The following CFAP96 variants were observed in gnomAD, a reference collection of about 807,000 sequenced individuals.
CFAP96 encodes the protein cilia-and flagella-associated protein 96.
At chr4:185,448,409 C>T in the CFAP96 span, among the ~76,000 whole-genome samples, 7 of 152,158 alleles carry the variant, frequency 4.6e-5, no homozygotes, top group South Asian at 2.1e-4. Context: ...CGATGGTGAC[C>T]GTTTTTTGCA....
chr4:185,418,242 T>G, the CFAP96 span, among the ~76,000 whole-genome samples: 3 of 152,176 alleles, frequency 2.0e-5, no homozygotes, highest in African/African-American at 7.2e-5. Context: ...AAAAAACCCT[T>G]TTGAGATTAT....
At chr4:185,420,080 T>C in the CFAP96 span, among the ~76,000 whole-genome samples, 1,145 of 152,326 alleles carry the variant, frequency 7.5e-3, 12 homozygotes, top group African/African-American at 0.026. Flanking sequence ...CTTATAGCAA[T>C]AAAACTATTG....
the CFAP96 span, among the ~76,000 whole-genome samples, chr4:185,414,148 ATTAT>A: frequency 6.6e-6 from 1 of 152,214 alleles, no homozygotes; most frequent in Admixed American, 6.5e-5. Context: ...TTTTTAAATA[ATTAT>A]TTATTACAAC....
chr4:185,425,914 T>TG, the CFAP96 span: 1 of 1,578,396 alleles, frequency 6.3e-7, no homozygotes, highest in African/African-American at 1.3e-5. Flanking sequence ...TGCCCAAAAG[T>TG]TCCGGGGGCC....
the CFAP96 span, among the ~76,000 whole-genome samples, chr4:185,443,767 A>C: frequency 6.6e-6 from 1 of 151,772 alleles, no homozygotes; most frequent in Non-Finnish European, 1.5e-5. Flanking sequence ...GGGTTTATTT[A>C]ACTTATGTAT....
the CFAP96 span, among the ~76,000 whole-genome samples, chr4:185,439,106 A>G: frequency 6.6e-6 from 1 of 152,234 alleles, no homozygotes; most frequent in Non-Finnish European, 1.5e-5. Flanking sequence ...TTATAATCAC[A>G]TGCATGAGAA....
chr4:185,445,751 G>A, the CFAP96 span, among the ~76,000 whole-genome samples: 41 of 152,114 alleles, frequency 2.7e-4, no homozygotes, highest in Non-Finnish European at 1.8e-4. Context: ...AAAAACAGTA[G>A]TACATCTTTA....
chr4:185,425,984 C>T, the CFAP96 span: 10 of 1,195,078 alleles, frequency 8.4e-6, no homozygotes, highest in Admixed American at 2.2e-5. Context: ...CCAACTACAA[C>T]TCCCGACATG....
chr4:185,438,003 CT>C, the CFAP96 span, among the ~76,000 whole-genome samples: 4 of 150,932 alleles, frequency 2.7e-5, no homozygotes, highest in African/African-American at 7.3e-5. Context: ...CCTCTGGCCA[CT>C]TTTTTTTTCT....
At chr4:185,424,039 G>A in the CFAP96 span, among the ~76,000 whole-genome samples, 3 of 151,812 alleles carry the variant, frequency 2.0e-5, no homozygotes, top group South Asian at 2.1e-4. Context: ...AGTGGCTCAC[G>A]CCTGTAATCC....
At chr4:185,419,969 C>A in the CFAP96 span, among the ~76,000 whole-genome samples, 5 of 152,226 alleles carry the variant, frequency 3.3e-5, no homozygotes, top group Non-Finnish European at 7.3e-5. Flanking sequence ...CTCTCTATTT[C>A]ACACTTTCAG....
chr4:185,425,955 G>A, the CFAP96 span: 39 of 1,504,622 alleles, frequency 2.6e-5, no homozygotes, highest in Admixed American at 1.2e-4. Flanking sequence ...GCACGGCCCA[G>A]GGGCGGGGCC....
At chr4:185,427,664 G>T in the CFAP96 span, among the ~76,000 whole-genome samples, 2 of 151,958 alleles carry the variant, frequency 1.3e-5, no homozygotes, top group African/African-American at 4.8e-5. Context: ...GGAGGCTGCG[G>T]CAGGAGAATT....
the CFAP96 span, chr4:185,415,371 T>C: frequency 6.5e-7 from 1 of 1,531,674 alleles, no homozygotes; most frequent in South Asian, 1.3e-5. Flanking sequence ...TATATAAGTG[T>C]ATTAACAAAA....
chr4:185,441,402 A>G, the CFAP96 span, among the ~76,000 whole-genome samples: 1 of 151,496 alleles, frequency 6.6e-6, no homozygotes, highest in Non-Finnish European at 1.5e-5. Flanking sequence ...ATCTCTTCAT[A>G]TATTAAGGGT....
chr4:185,422,383 G>A, the CFAP96 span: 1 of 859,832 alleles, frequency 1.2e-6, no homozygotes, highest in Non-Finnish European at 1.9e-6. Context: ...TATAATCTTA[G>A]TTCATCCTAT....
At chr4:185,427,634 C>T in the CFAP96 span, among the ~76,000 whole-genome samples, 1 of 151,696 alleles carries the variant, frequency 6.6e-6, no homozygotes, top group Non-Finnish European at 1.5e-5. Context: ...GTGGCAGGTG[C>T]CCGTAGTCCC....
At chr4:185,414,687 T>G in the CFAP96 span, among the ~76,000 whole-genome samples, 13 of 152,318 alleles carry the variant, frequency 8.5e-5, no homozygotes, top group South Asian at 4.1e-4. Flanking sequence ...CTGGTCATGT[T>G]TTCTCCAAAA....
At chr4:185,418,510 A>G in the CFAP96 span, 2 of 1,611,340 alleles carry the variant, frequency 1.2e-6, no homozygotes, top group Non-Finnish European at 1.7e-6. Context: ...GCTCAAATCT[A>G]AATTTTTAAT....
Sources: allele counts gnomAD v4.1 joint callset (sites outside exome capture counted in the v4.1 genomes callset), GRCh38; gene constraint gnomAD v4.1.1; transcripts MANE v1.5; gene names NCBI Gene and HGNC (gene_info 2026-07-23, HGNC 2026-07-21).